Variants in GRID1 observed in about 807,000 individuals in gnomAD.
GRID1 encodes the protein glutamate receptor ionotropic, delta-1.
In GRID1, 28 loss-of-function variants were observed where a neutral mutation model predicts 98.0. The observed-to-expected ratio is 0.29, with a 90% CI of 0.21 to 0.39. GRID1 has a LOEUF of 0.39. Ranked by LOEUF, GRID1 falls within the 10% of genes least tolerant of loss-of-function variation. The pLI, the probability that GRID1 is intolerant of heterozygous loss-of-function variation, is 1.00. For missense variants in GRID1, 1,111 were observed against 1,340.5 expected, an observed-to-expected ratio of 0.83 and a Z score of 2.67; for synonymous variants, 553 against 538.5, an observed-to-expected ratio of 1.03 and a Z score of -0.37.
chr10:86,163,612 C>T (rs1845354870), intron 3 of GRID1, among the ~76,000 whole-genome samples: 1 of 152,148 alleles, frequency 6.6e-6, no homozygotes, highest in African/African-American at 2.4e-5. Flanking sequence ...TAGCGTCAGC[C>T]ACCGACCAGG....
chr10:86,238,170 C>G (rs1159533486), intron 2 of GRID1, among the ~76,000 whole-genome samples: 1 of 152,200 alleles, frequency 6.6e-6, no homozygotes, highest in Non-Finnish European at 1.5e-5. Flanking sequence ...TAAAGAGGAG[C>G]CAAATGTTGA....
chr10:85,875,532 T>C (rs1259533819), intron 5 of GRID1, among the ~76,000 whole-genome samples: 3 of 152,172 alleles, frequency 2.0e-5, no homozygotes, highest in African/African-American at 7.2e-5. Flanking sequence ...ATTATTTATA[T>C]TATACATTTT....
intron 2 of GRID1, among the ~76,000 whole-genome samples, chr10:86,310,176 A>T (rs1040679955): frequency 6.6e-6 from 1 of 152,182 alleles, no homozygotes; most frequent in African/African-American, 2.4e-5. Flanking sequence ...ATTTTGAGGC[A>T]GCCCTCATAC....
chr10:85,906,025 A>C (rs907310159), intron 5 of GRID1, among the ~76,000 whole-genome samples: 1 of 152,140 alleles, frequency 6.6e-6, no homozygotes, highest in East Asian at 1.9e-4. Flanking sequence ...TTTAAACATA[A>C]AGAAACAAGT....
rs566037603 is a variant in GRID1 at position 86,185,012 on chromosome 10, AAAG to A, written c.520+21349_520+21351del. On this transcript the variant is annotated intron_variant, in intron 3 of 15. Transcript: ENST00000327946. ...TTTTACAATTAGCAATTTCTACCAA[AAAG>A]AAGAAGCATGCTGAGATTTCTATTG... Among the ~76,000 whole-genome samples, 162 of 152,274 alleles carry A rather than the reference AAAG, an allele frequency of 1.1e-3. 3 individuals carry two copies. The highest frequency in any genetic ancestry group is 5.4e-3 in the South Asian group (26 of 4,832).
At chr10:85,778,517 A>C (rs1020155666) in intron 8 of GRID1, among the ~76,000 whole-genome samples, 1 of 152,230 alleles carries the variant, frequency 6.6e-6, no homozygotes, top group African/African-American at 2.4e-5. Context: ...TGTGATAAGC[A>C]AAAAGATACA....
intron 4 of GRID1, among the ~76,000 whole-genome samples, chr10:86,050,065 G>C (rs547334595): frequency 6.6e-6 from 1 of 152,314 alleles, no homozygotes; most frequent in South Asian, 2.1e-4. Context: ...ACAAACCCAG[G>C]TGTGTTCCTA....
At chr10:85,799,519 CAACAT>C (rs1309723107) in intron 8 of GRID1, among the ~76,000 whole-genome samples, 27 of 152,164 alleles carry the variant, frequency 1.8e-4, no homozygotes, top group African/African-American at 6.5e-4. Context: ...ACATACAACA[CAACAT>C]AATATTACTT....
At chr10:85,732,215 C>T (rs765512129) in intron 8 of GRID1, among the ~76,000 whole-genome samples, 5 of 152,188 alleles carry the variant, frequency 3.3e-5, no homozygotes, top group Admixed American at 2.0e-4. Flanking sequence ...GTGTGTCCTG[C>T]TACTTCTCCT....
chr10:86,331,665 C>T (rs1024869447), intron 2 of GRID1, among the ~76,000 whole-genome samples: 2 of 152,198 alleles, frequency 1.3e-5, no homozygotes, highest in African/African-American at 4.8e-5. Context: ...TTTGGGGTCA[C>T]CAAGCCTGGG....
intron 5 of GRID1, among the ~76,000 whole-genome samples, chr10:85,888,174 C>T (rs942042258): frequency 6.6e-6 from 1 of 152,222 alleles, no homozygotes; most frequent in African/African-American, 2.4e-5. Context: ...ATAAATGACG[C>T]AATAGCTTCT....
intron 2 of GRID1, among the ~76,000 whole-genome samples, chr10:86,215,214 C>T (rs1846157783): frequency 6.6e-6 from 1 of 152,186 alleles, no homozygotes; most frequent in Non-Finnish European, 1.5e-5. Flanking sequence ...CAAGCTCAGC[C>T]TAGCCCAGAG....
chr10:85,826,063 A>T (rs1842816708), intron 8 of GRID1, among the ~76,000 whole-genome samples: 1 of 152,226 alleles, frequency 6.6e-6, no homozygotes, highest in Non-Finnish European at 1.5e-5. Context: ...GCGTTGGCTC[A>T]CGCCTGTAAT....
chr10:86,244,047 C>T (rs1283114330), intron 2 of GRID1, among the ~76,000 whole-genome samples: 2 of 152,206 alleles, frequency 1.3e-5, no homozygotes, highest in African/African-American at 4.8e-5. Context: ...CCTGTATACA[C>T]ATATACACAG....
chr10:86,179,031 A>G lies in GRID1; in HGVS notation c.520+27333T>C, dbSNP rs926261786. Among the ~76,000 whole-genome samples, 4 of 152,090 alleles carry G rather than the reference A, an allele frequency of 2.6e-5. No homozygotes were observed. The South Asian group carries it at 8.3e-4, about 32-fold the overall frequency. ...CCATCCCAGGTCCCAGCCTAGCCTG[A>G]GCCAAGGATGGGATGGAATGCCTGG... On this transcript the variant is annotated intron_variant, in intron 3 of 15. Transcript: ENST00000327946.
chr10:85,696,795 T>G (rs887160273), intron 12 of GRID1, among the ~76,000 whole-genome samples: 21 of 152,046 alleles, frequency 1.4e-4, no homozygotes, highest in African/African-American at 4.8e-4. Context: ...AGCTATAAAC[T>G]TTCCTTTAAG....
intron 4 of GRID1, among the ~76,000 whole-genome samples, chr10:86,126,693 G>A (rs1482545952): frequency 1.3e-5 from 2 of 152,226 alleles, no homozygotes; most frequent in African/African-American, 4.8e-5. Flanking sequence ...AAAGAGTTCA[G>A]AATTTTTGTA....
intron 4 of GRID1, among the ~76,000 whole-genome samples, chr10:85,983,472 A>C (rs1842570642): frequency 6.6e-6 from 1 of 152,212 alleles, no homozygotes; most frequent in African/African-American, 2.4e-5. Context: ...CCCGGAAATT[A>C]GCCTAGTTAA....
intron 4 of GRID1, among the ~76,000 whole-genome samples, chr10:86,019,018 CT>C (rs1367948060): frequency 2.6e-5 from 4 of 152,256 alleles, no homozygotes; most frequent in Admixed American, 2.0e-4. Context: ...ACACCTAACA[CT>C]GGATTCTGGA....
Sources: allele counts gnomAD v4.1 joint callset (sites outside exome capture counted in the v4.1 genomes callset), GRCh38; gene constraint gnomAD v4.1.1; transcripts MANE v1.5; gene names NCBI Gene and HGNC (gene_info 2026-07-23, HGNC 2026-07-21).